The following MED16 variants were observed in gnomAD, a reference collection of about 807,000 sequenced individuals.
The protein encoded by MED16 is mediator of RNA polymerase II transcription subunit 16.
Under a neutral mutation model 84.4 loss-of-function variants are expected in MED16, and 81 were observed. The observed-to-expected ratio is 0.96, with a 90% CI of 0.80 to 1.15. The LOEUF is 1.15. MED16 is among the 50% of genes most tolerant of loss of function. MED16 has a pLI of 0.00. For synonymous variants in MED16, 897 were observed against 552.2 expected, an observed-to-expected ratio of 1.62 and a Z score of -8.76; for missense variants, 1,585 against 1,245.9, an observed-to-expected ratio of 1.27 and a Z score of -4.10.
At chr19:870,317 T>C (rs1464630948) in intron 13 of MED16, among the ~76,000 whole-genome samples, 2 of 151,924 alleles carry the variant, frequency 1.3e-5, no homozygotes, top group African/African-American at 4.8e-5. Context: ...TCCCAGCACT[T>C]TGGGAGGGCG....
At chr19:885,159 C>T in intron 5 of MED16, 151 bp from the exon 6 acceptor site, 2 of 619,630 alleles carry the variant, frequency 3.2e-6, no homozygotes, top group Non-Finnish European at 5.7e-6. Context: ...GATTCCAGCC[C>T]AGGCCTGTCC....
chr19:872,553 C>G (rs936458485), intron 11 of MED16, among the ~76,000 whole-genome samples: 2 of 149,570 alleles, frequency 1.3e-5, no homozygotes, highest in African/African-American at 4.9e-5. Context: ...TCAAACCGTC[C>G]GTGATGGGCG....
chr19:882,363 C>T (rs2036438087), intron 6 of MED16, among the ~76,000 whole-genome samples: 1 of 150,794 alleles, frequency 6.6e-6, no homozygotes, highest in South Asian at 2.1e-4. Context: ...ACACAGTAAA[C>T]ATTAGCTGTG....
At chr19:874,281 T>C (rs1480704802) in intron 10 of MED16, among the ~76,000 whole-genome samples, 3 of 151,946 alleles carry the variant, frequency 2.0e-5, no homozygotes, top group Admixed American at 6.6e-5. Context: ...GCCCGGCTGA[T>C]TTTTGTATTT....
intron 5 of MED16, among the ~76,000 whole-genome samples, chr19:885,427 C>A (rs189475907): frequency 6.6e-6 from 1 of 151,984 alleles, no homozygotes; most frequent in African/African-American, 2.4e-5. Flanking sequence ...GGATTCGGTT[C>A]GGGACACTGA....
At chr19:877,796 C>A (rs1300816948) in intron 8 of MED16, among the ~76,000 whole-genome samples, 1 of 111,816 alleles carries the variant, frequency 8.9e-6, no homozygotes, top group Non-Finnish European at 1.9e-5. Flanking sequence ...AGCCCCAGCC[C>A]CACGTGCCCC....
intron 4 of MED16, 51 bp from the exon 5 acceptor site, chr19:886,252 G>A (rs1280553902): frequency 1.4e-6 from 2 of 1,415,936 alleles, no homozygotes; most frequent in Middle Eastern, 2.0e-4. Context: ...CATGGGGGCT[G>A]CCCCATGACC....
intron 9 of MED16, 133 bp downstream of exon 9, chr19:876,839 CAG>C: frequency 2.4e-6 from 2 of 825,598 alleles, no homozygotes; most frequent in South Asian, 1.9e-5. Context: ...CTGCCTGCCA[CAG>C]GGACAGCCCC....
intron 5 of MED16, among the ~76,000 whole-genome samples, chr19:885,210 G>T (rs879756470): frequency 6.6e-6 from 1 of 152,146 alleles, no homozygotes. Flanking sequence ...AAATGTCCCC[G>T]GATGGTGCCC....
At chr19:887,770 A>C (rs1324465533) in intron 4 of MED16, among the ~76,000 whole-genome samples, 1 of 152,132 alleles carries the variant, frequency 6.6e-6, no homozygotes. Flanking sequence ...CAGACACAGA[A>C]GGCTACGCAG....
chr19:880,780 G>A (rs1490604605), intron 7 of MED16, among the ~76,000 whole-genome samples: 1 of 152,082 alleles, frequency 6.6e-6, no homozygotes, highest in East Asian at 1.9e-4. Flanking sequence ...AATTAGCCGG[G>A]CGTGGCAGCA....
intron 7 of MED16, among the ~76,000 whole-genome samples, chr19:881,184 A>T (rs1331009103): frequency 6.6e-6 from 1 of 152,154 alleles, no homozygotes; most frequent in Non-Finnish European, 1.5e-5. Flanking sequence ...GTGCAGACTC[A>T]CTCATGGGCA....
intron 11 of MED16, among the ~76,000 whole-genome samples, chr19:872,346 C>G (rs1031286229): frequency 3.3e-5 from 5 of 152,150 alleles, no homozygotes; most frequent in African/African-American, 1.2e-4. Context: ...CGTCCCATCC[C>G]TGAGAGTCCA....
At position 877,009 on chromosome 19, in the gene MED16, C is replaced by G. The variant is rs72984032; in HGVS notation, c.1525G>C (p.Glu509Gln). The change falls in exon 9 of 16, where the codon GAG becomes CAG. Residue 509 changes from glutamate to glutamine, a missense_variant. Transcript: ENST00000325464. ...GCAGCGGTCTGGCGCGTGTACTCCT[C>G]GTGCAGCTTCTCCACCAGGCTCTGT... ...MVQSLVEKLH[E>Q]EYTRQTAALQ... The G allele has an allele frequency of 6.2e-7, 1 of 1,612,368 alleles. No homozygotes were observed. Among genetic ancestry groups the G allele is most frequent in the Non-Finnish European group, 8.5e-7 (1 of 1,179,800 alleles).
chr19:886,561 G>A (rs1049577553), intron 4 of MED16, among the ~76,000 whole-genome samples: 1 of 152,236 alleles, frequency 6.6e-6, no homozygotes, highest in Non-Finnish European at 1.5e-5. Flanking sequence ...GCTCTGCCGT[G>A]GCGGCACACA....
intron 1 of MED16, 142 bp downstream of exon 1, chr19:892,916 CGCCCCGCGCCCCGCGCCCCGCGCCCCAG>C (rs1316810626): frequency 7.3e-6 from 1 of 137,120 alleles, no homozygotes; most frequent in Non-Finnish European, 1.6e-5. Flanking sequence ...CCGCGCCCCG[CGCCCCGCGCCCCGCGCCCCGCGCCCCAG>C]GCCGCCTACC....
At chr19:872,192 G>T in intron 11 of MED16, 74 bp from the exon 12 acceptor site, 1 of 1,343,044 alleles carries the variant, frequency 7.4e-7, no homozygotes, top group Non-Finnish European at 1.0e-6. Flanking sequence ...TCTTGGGGTC[G>T]GTGGAACCCC....
intron 6 of MED16, among the ~76,000 whole-genome samples, chr19:882,352 AAC>A (rs1025909252): frequency 6.6e-6 from 1 of 151,958 alleles, no homozygotes; most frequent in Non-Finnish European, 1.5e-5. Flanking sequence ...CTACAAAAAA[AAC>A]ACAGTAAACA....
Position 883,550 on chromosome 19 carries a change from G to C in MED16, c.985+1353C>G, listed in dbSNP as rs1250318388. Among the ~76,000 whole-genome samples the C allele has an allele frequency of 2.0e-5, 3 of 152,140 alleles. No individual in the cohort carries two copies. The East Asian group carries it at 5.8e-4, about 29-fold the overall frequency. On this transcript the variant is annotated intron_variant, in intron 6 of 15. Transcript: ENST00000325464. ...GTGGGGACTGTCCCAGTGACCCCCA[G>C]CTGCCAGGGATGTGAGACCTGAGAA...
Sources: allele counts gnomAD v4.1 joint callset (sites outside exome capture counted in the v4.1 genomes callset), GRCh38; gene constraint gnomAD v4.1.1; transcripts MANE v1.5; gene names NCBI Gene and HGNC (gene_info 2026-07-23, HGNC 2026-07-21).